Variants in CMTM4 observed in about 807,000 individuals in gnomAD.
CMTM4 encodes CKLF like MARVEL transmembrane domain containing 4, also known as CKLF-like MARVEL transmembrane domain-containing protein 4.
CMTM4 carries 8 observed loss-of-function variants against 19.0 expected under a neutral mutation model. That is an observed-to-expected ratio of 0.42 (90% CI 0.25 to 0.76). CMTM4 has a LOEUF of 0.76. CMTM4 is among the 30% of genes least tolerant of loss of function. The probability of loss-of-function intolerance (pLI) is 0.27; values close to 1 mark genes in which losing one functional copy is unlikely to be tolerated. For synonymous variants in CMTM4, 106 were observed against 121.1 expected, an observed-to-expected ratio of 0.88 and a Z score of 0.82; for missense variants, 228 against 290.2, an observed-to-expected ratio of 0.79 and a Z score of 1.56.
the CMTM4 span, among the ~76,000 whole-genome samples, chr16:66,601,528 G>T: frequency 6.6e-6 from 1 of 152,204 alleles, no homozygotes; most frequent in African/African-American, 2.4e-5. Flanking sequence ...GCAGCCATGG[G>T]TGGGTCAGAA....
At chr16:66,683,513 G>A (rs1414449131) in intron 1 of CMTM4, among the ~76,000 whole-genome samples, 3 of 151,118 alleles carry the variant, frequency 2.0e-5, no homozygotes, top group Admixed American at 6.6e-5. Context: ...GGATGGTCTC[G>A]ATCTCCTGAC....
Position 66,647,151 on chromosome 16 carries a change from TA to T in CMTM4, c.187-10571del, listed in dbSNP as rs36018262. On this transcript the variant is annotated intron_variant, in intron 1 of 3. Coordinates refer to ENST00000394106, the MANE Select transcript of CMTM4 (RefSeq NM_181521.3). ...TAATACGGTGAAACCCCGCCTCTAC[TA>T]AAAAAAAAAAAAATACAAAAAAGTA... is the stretch of plus-strand genomic sequence containing the variant. Among the ~76,000 whole-genome samples, 395 of 136,422 alleles carry T rather than the reference TA, an allele frequency of 2.9e-3. 2 individuals carry two copies. Among genetic ancestry groups the T allele is most frequent in the Admixed American group, 9.2e-3 (122 of 13,310 alleles). 89.5% of individuals were successfully genotyped at this position (136,422 alleles called of 152,430 possible).
chr16:66,654,577 G>C lies in CMTM4; in HGVS notation c.187-17996C>G, dbSNP rs7193615. The stretch of plus-strand genomic sequence containing the variant: ...GTAATATCACCAGGCACCCACAAAT[G>C]TGAGTGCAAAAATCCTCTTGCCGTT... On this transcript the variant is annotated intron_variant, in intron 1 of 3. Transcript: ENST00000394106. Among the ~76,000 whole-genome samples, 365 of 152,240 alleles carry C rather than the reference G, an allele frequency of 2.4e-3. 2 individuals are homozygous for C. The highest frequency in any genetic ancestry group is 8.5e-3 in the African/African-American group (355 of 41,534).
chr16:66,686,593 A>G (rs2144917283), intron 1 of CMTM4, among the ~76,000 whole-genome samples: 1 of 152,036 alleles, frequency 6.6e-6, no homozygotes, highest in African/African-American at 2.4e-5. Flanking sequence ...TGGAGAAAGA[A>G]TTAATTTAGC....
rs1162003255 is a variant in CMTM4, at chr16:66,621,461, T to C, written c.*597A>G. ...AGAATCAAGTGATTTCTCAGCAGAG[T>C]AGGAAACAAAAGGTCACCCTTCCTT... On this transcript the variant is annotated 3_prime_UTR_variant, in exon 4 of 4. Coordinates refer to ENST00000394106, the MANE Select transcript of CMTM4 (RefSeq NM_181521.3). 1 of 985,618 alleles carries C rather than the reference T, an allele frequency of 1.0e-6. No individual in the cohort carries two copies. Among genetic ancestry groups the C allele is most frequent in the African/African-American group, 1.7e-5 (1 of 57,146 alleles). 61.1% of individuals were successfully genotyped at this position (985,618 alleles called of 1,614,324 possible).
chr16:66,688,171 C>G (rs1385710247), intron 1 of CMTM4, among the ~76,000 whole-genome samples: 3 of 152,074 alleles, frequency 2.0e-5, no homozygotes, highest in Admixed American at 6.6e-5. Flanking sequence ...TAAAAGGGCA[C>G]TAATCCCATT....
intron 2 of CMTM4, among the ~76,000 whole-genome samples, chr16:66,631,149 C>T (rs1354269287): frequency 6.6e-6 from 1 of 151,862 alleles, no homozygotes; most frequent in Non-Finnish European, 1.5e-5. Flanking sequence ...CGGCAGCCAC[C>T]CCGTCCGGGA....
At chr16:66,677,331 C>A (rs1596956946) in intron 1 of CMTM4, among the ~76,000 whole-genome samples, 1 of 152,354 alleles carries the variant, frequency 6.6e-6, no homozygotes, top group South Asian at 2.1e-4. Context: ...GGGAAGGGGA[C>A]ATGAGGCCCT....
chr16:66,652,258 C>T lies in CMTM4; in HGVS notation c.187-15677G>A, dbSNP rs565384367. Among the ~76,000 whole-genome samples, 16 of 152,302 alleles carry T rather than the reference C, an allele frequency of 1.1e-4. No individual in the cohort carries two copies. The South Asian group carries it at 2.3e-3, about 22-fold the overall frequency. On this transcript the variant is annotated intron_variant, in intron 1 of 3. Coordinates refer to ENST00000394106, the MANE Select transcript of CMTM4 (RefSeq NM_181521.3). Reference sequence around the variant, plus strand: ...GCAGGCAAGGCTGGGGTGCAGCAGACGGCAGCAAGGTGTGCACTCTCAAAG... The same window carrying T: ...GCAGGCAAGGCTGGGGTGCAGCAGATGGCAGCAAGGTGTGCACTCTCAAAG...
At chr16:66,684,817 A>G (rs2017003647) in intron 1 of CMTM4, among the ~76,000 whole-genome samples, 1 of 152,162 alleles carries the variant, frequency 6.6e-6, no homozygotes, top group Non-Finnish European at 1.5e-5. Context: ...GCCCTGGACC[A>G]CTTCAAACTG....
chr16:66,671,866 A>G (rs375262544), intron 1 of CMTM4, among the ~76,000 whole-genome samples: 1 of 147,548 alleles, frequency 6.8e-6, no homozygotes, highest in African/African-American at 2.5e-5. Context: ...AAAAATATTT[A>G]AAAAAAAAAA....
intron 2 of CMTM4, among the ~76,000 whole-genome samples, chr16:66,628,895 T>C (rs928177191): frequency 5.3e-5 from 8 of 152,266 alleles, no homozygotes; most frequent in Non-Finnish European, 7.3e-5. Flanking sequence ...TTGGTTATTA[T>C]AGATAATGTA....
At chr16:66,629,509 A>T (rs1169507623) in intron 2 of CMTM4, among the ~76,000 whole-genome samples, 1 of 152,186 alleles carries the variant, frequency 6.6e-6, no homozygotes, top group Non-Finnish European at 1.5e-5. Context: ...AGAAAGAATG[A>T]GTGTGCTATA....
At chr16:66,604,908 G>T in the CMTM4 span, 15 of 1,472,998 alleles carry the variant, frequency 1.0e-5, no homozygotes, top group Non-Finnish European at 1.2e-5. Context: ...GCCGGCGCGG[G>T]CTTTCCTCTG....
intron 1 of CMTM4, among the ~76,000 whole-genome samples, chr16:66,649,031 CTA>C (rs1348745466): frequency 6.6e-6 from 1 of 152,150 alleles, no homozygotes; most frequent in Non-Finnish European, 1.5e-5. Context: ...CCCCCAGACA[CTA>C]TGTTCTAAAC....
chr16:66,673,595 G>A (rs946838356), intron 1 of CMTM4, among the ~76,000 whole-genome samples: 1 of 152,208 alleles, frequency 6.6e-6, no homozygotes, highest in African/African-American at 2.4e-5. Context: ...CTACTTAACA[G>A]TGAAATGTGG....
Position 66,619,087 on chromosome 16 carries a change from T to A in CMTM4, c.*2971A>T. ...GACGAGATTTTAATCTGAAACTGCA[T>A]CTGTTCTTCCCAGCTTTATGTGGGG... is the stretch of plus-strand genomic sequence containing the variant. On this transcript the variant is annotated 3_prime_UTR_variant, in exon 4 of 4. Coordinates refer to ENST00000394106, the MANE Select transcript of CMTM4 (RefSeq NM_181521.3). 2 of 985,510 alleles carry A rather than the reference T, an allele frequency of 2.0e-6. No individual in the cohort carries two copies. Among genetic ancestry groups the A allele is most frequent in the Non-Finnish European group, 2.4e-6 (2 of 829,950 alleles). The allele number at this position is 985,510 out of a possible 1,614,324, so 61.0% of individuals were successfully genotyped here. A position where few individuals can be genotyped will look rare whatever the true frequency, so the allele number is the denominator to read the frequency against.
chr16:66,621,002 A>G lies in CMTM4; in HGVS notation c.*1056T>C. Reference sequence around the variant, plus strand: ...TGACACTGAGGCGCCCAAAGCGACAATTAGTGCCTTCTGAAACATGGGTGG... The same window carrying G: ...TGACACTGAGGCGCCCAAAGCGACAGTTAGTGCCTTCTGAAACATGGGTGG... On this transcript the variant is annotated 3_prime_UTR_variant, in exon 4 of 4. Transcript: ENST00000394106. The G allele has an allele frequency of 1.0e-6, 1 of 985,868 alleles. No homozygotes were observed. Among genetic ancestry groups the G allele is most frequent in the South Asian group, 4.7e-5 (1 of 21,288 alleles). 61.1% of individuals were successfully genotyped at this position (985,868 alleles called of 1,614,324 possible).
chr16:66,674,460 A>G (rs1189926909), intron 1 of CMTM4, among the ~76,000 whole-genome samples: 1 of 152,172 alleles, frequency 6.6e-6, no homozygotes, highest in Non-Finnish European at 1.5e-5. Flanking sequence ...GGACAACTAC[A>G]GCGGAAATTC....
Sources: allele counts gnomAD v4.1 joint callset (sites outside exome capture counted in the v4.1 genomes callset), GRCh38; gene constraint gnomAD v4.1.1; transcripts MANE v1.5; gene names NCBI Gene and HGNC (gene_info 2026-07-23, HGNC 2026-07-21).